Variants in SLC9B1 observed in about 807,000 individuals in gnomAD.
SLC9B1 encodes the protein sodium/hydrogen exchanger 9B1.
In SLC9B1, 32 loss-of-function variants were observed where a neutral mutation model predicts 51.7. That is an observed-to-expected ratio of 0.62 (90% CI 0.47 to 0.83). The LOEUF is 0.83. Among genes scored for constraint, SLC9B1 ranks in the 40% least tolerant of loss-of-function variants. The pLI is 0.00. For synonymous variants in SLC9B1, 145 were observed against 212.7 expected, an observed-to-expected ratio of 0.68 and a Z score of 2.77; for missense variants, 406 against 613.2, an observed-to-expected ratio of 0.66 and a Z score of 3.57.
intron 3 of SLC9B1, among the ~76,000 whole-genome samples, chr4:102,983,627 G>A (rs1386002095): frequency 1.3e-5 from 2 of 152,098 alleles, no homozygotes; most frequent in Admixed American, 6.6e-5. Context: ...GTCTTTCAAG[G>A]AATTGGTCCT....
At chr4:102,950,125 G>A (rs1274418530) in intron 3 of SLC9B1, among the ~76,000 whole-genome samples, 6 of 152,112 alleles carry the variant, frequency 3.9e-5, no homozygotes, top group Admixed American at 6.6e-5. Flanking sequence ...AGGATGACTG[G>A]CTGTGATAAG....
intron 1 of SLC9B1, among the ~76,000 whole-genome samples, chr4:102,998,548 T>C (rs570796131): frequency 6.6e-6 from 1 of 152,272 alleles, no homozygotes; most frequent in African/African-American, 2.4e-5. Flanking sequence ...GGAAATGGAA[T>C]TGATGGATCA....
chr4:102,945,402 T>G lies in SLC9B1; in HGVS notation c.526-82A>C, dbSNP rs187955274. On this transcript the variant is annotated intron_variant, in intron 5 of 11. Coordinates refer to ENST00000296422, the MANE Select transcript of SLC9B1 (RefSeq NM_139173.4). ...TTTTAACAAATGTCAAACTATAAAG[T>G]CTTTTTTCATAAGAAGCTTTCACTA... The G allele has an allele frequency of 1.9e-5, 27 of 1,412,224 alleles. No homozygotes were observed. In the South Asian group the frequency reaches 4.7e-4, roughly 25 times the overall value. 87.5% of individuals were successfully genotyped at this position (1,412,224 alleles called of 1,614,324 possible).
chr4:102,911,724 C>G (rs1051856781), intron 7 of SLC9B1, among the ~76,000 whole-genome samples, 187 bp from the exon 8 acceptor site: 4 of 151,728 alleles, frequency 2.6e-5, no homozygotes, highest in Non-Finnish European at 4.4e-5. Context: ...TAAATATATA[C>G]TCTCAAATAA....
chr4:102,943,256 G>A (rs1737095485), intron 6 of SLC9B1, among the ~76,000 whole-genome samples: 1 of 151,858 alleles, frequency 6.6e-6, no homozygotes, highest in African/African-American at 2.4e-5. Context: ...AACCACTATG[G>A]AAAAGAGTAT....
At chr4:102,973,612 A>C (rs1299746636) in intron 3 of SLC9B1, among the ~76,000 whole-genome samples, 1 of 152,208 alleles carries the variant, frequency 6.6e-6, no homozygotes, top group Non-Finnish European at 1.5e-5. Context: ...AAGTCTTAGG[A>C]GAACTGAACC....
rs184183652 is a variant in SLC9B1 at position 102,947,735 on chromosome 4, T to C, written c.383-946A>G. Among the ~76,000 whole-genome samples the C allele has an allele frequency of 5.4e-3, 820 of 152,344 alleles. 3 individuals carry two copies. Among genetic ancestry groups the C allele is most frequent in the Non-Finnish European group, 9.2e-3 (627 of 68,028 alleles). On this transcript the variant is annotated intron_variant, in intron 4 of 11. Transcript: ENST00000296422. ...AATAGGTTATTGGAAATGGCAACTT[T>C]GAGTAAAATGGTATATAACAAAACC...
At chr4:102,898,662 C>T (rs1395531585), downstream of SLC9B1, among the ~76,000 whole-genome samples, 1 of 152,076 alleles carries the variant, frequency 6.6e-6, no homozygotes, top group Non-Finnish European at 1.5e-5. Context: ...ATAAAAATTC[C>T]TTAAACAGTG....
intron 3 of SLC9B1, among the ~76,000 whole-genome samples, chr4:102,980,671 C>A (rs1739305283): frequency 6.6e-6 from 1 of 152,068 alleles, no homozygotes; most frequent in Non-Finnish European, 1.5e-5. Context: ...GTGCAGCAAA[C>A]CACCATCGCA....
chr4:102,896,935 T>G (rs1180941598), downstream of SLC9B1: 1 of 153,998 alleles, frequency 6.5e-6, no homozygotes, highest in Admixed American at 6.5e-5. Context: ...TACAGGAAGA[T>G]TTTTGGAGAA....
intron 3 of SLC9B1, among the ~76,000 whole-genome samples, chr4:102,959,777 G>A (rs544428824): frequency 6.6e-6 from 1 of 152,204 alleles, no homozygotes; most frequent in East Asian, 1.9e-4. Context: ...ATACAGAAAT[G>A]GAGAGTGGTT....
intron 6 of SLC9B1, among the ~76,000 whole-genome samples, chr4:102,935,200 A>C (rs966098033): frequency 1.1e-4 from 16 of 152,242 alleles, no homozygotes; most frequent in African/African-American, 3.9e-4. Flanking sequence ...GGCTAGTTAC[A>C]GATAAGGAAA....
chr4:102,957,780 ATATG>A (rs1737883792), intron 3 of SLC9B1, among the ~76,000 whole-genome samples: 1 of 149,880 alleles, frequency 6.7e-6, no homozygotes, highest in African/African-American at 2.5e-5. Context: ...GTATGTGTGT[ATATG>A]TGTGTGTGTG....
At chr4:103,013,991 A>G (rs1018655543) in intron 1 of SLC9B1, among the ~76,000 whole-genome samples, 4 of 152,206 alleles carry the variant, frequency 2.6e-5, no homozygotes, top group Non-Finnish European at 5.9e-5. Context: ...ACAATGCAGA[A>G]CAATATTCTT....
chr4:102,900,769 A>T (rs1734747421), downstream of SLC9B1, among the ~76,000 whole-genome samples: 2 of 152,394 alleles, frequency 1.3e-5, no homozygotes, highest in South Asian at 4.1e-4. Flanking sequence ...ACCAAGTTCA[A>T]TATTCAAAGT....
At chr4:102,979,897 A>AG (rs1739266280) in intron 3 of SLC9B1, among the ~76,000 whole-genome samples, 1 of 152,156 alleles carries the variant, frequency 6.6e-6, no homozygotes, top group African/African-American at 2.4e-5. Flanking sequence ...CAAATTTACA[A>AG]GAAAAAAAAC....
At chr4:103,008,797 CTT>C (rs34403441) in intron 1 of SLC9B1, among the ~76,000 whole-genome samples, 4 of 99,456 alleles carry the variant, frequency 4.0e-5, no homozygotes, top group Non-Finnish European at 2.0e-5. Context: ...TTAACAGTTT[CTT>C]TTTTTTTTTT....
chr4:103,010,334 C>T (rs186183062), intron 1 of SLC9B1, among the ~76,000 whole-genome samples: 149 of 152,188 alleles, frequency 9.8e-4, no homozygotes, highest in African/African-American at 3.5e-3. Context: ...GGGTAAGGGA[C>T]GCAAATGGGT....
intron 7 of SLC9B1, among the ~76,000 whole-genome samples, chr4:102,920,409 C>T (rs1259341610): frequency 6.6e-6 from 1 of 152,180 alleles, no homozygotes; most frequent in African/African-American, 2.4e-5. Flanking sequence ...TGTAGGTCAA[C>T]AATGTCAAAG....
Sources: allele counts gnomAD v4.1 joint callset (sites outside exome capture counted in the v4.1 genomes callset), GRCh38; gene constraint gnomAD v4.1.1; transcripts MANE v1.5; gene names NCBI Gene and HGNC (gene_info 2026-07-23, HGNC 2026-07-21).